The following USP45 variants were observed in gnomAD, a reference collection of about 807,000 sequenced individuals.
USP45 encodes the protein ubiquitin specific peptidase 45.
A neutral mutation model predicts 95.8 loss-of-function variants in USP45; 89 were observed. The observed-to-expected ratio is 0.93, with a 90% confidence interval of 0.78 to 1.11. The LOEUF is 1.11. Ranked by LOEUF, USP45 falls within the 50% of genes least tolerant of loss-of-function variation. USP45 has a pLI of 0.00. For missense variants in USP45, 898 were observed against 942.5 expected, an observed-to-expected ratio of 0.95 and a Z score of 0.62; for synonymous variants, 281 against 316.2, an observed-to-expected ratio of 0.89 and a Z score of 1.18.
At chr6:99,483,840 G>A (rs1200251947) in intron 7 of USP45, among the ~76,000 whole-genome samples, 2 of 36,918 alleles carry the variant, frequency 5.4e-5, no homozygotes, top group African/African-American at 3.8e-4. Context: ...GCGAGACTCC[G>A]TCTCAAAAAA....
intron 13 of USP45, 72 bp from the exon 14 acceptor site, chr6:99,446,535 A>C: frequency 7.5e-7 from 1 of 1,325,840 alleles, no homozygotes. Context: ...ATAATTCTTA[A>C]ACATATCATA....
chr6:99,488,892 A>C (rs966760361), intron 5 of USP45, 72 bp from the exon 6 acceptor site: 8 of 1,122,248 alleles, frequency 7.1e-6, no homozygotes. Flanking sequence ...ATTTATATAC[A>C]TTATTTAAAA....
intron 9 of USP45, among the ~76,000 whole-genome samples, chr6:99,473,777 A>AACACACACACACACACACAC (rs60031754): frequency 0.17 from 22,292 of 127,388 alleles, 2,233 homozygotes; most frequent in Middle Eastern, 0.25. Flanking sequence ...AAAAAAACAA[A>AACACACACACACACACACAC]ACACACACAC....
At chr6:99,491,922 A>C (rs536823314) in intron 5 of USP45, among the ~76,000 whole-genome samples, 6 of 151,822 alleles carry the variant, frequency 4.0e-5, no homozygotes, top group Non-Finnish European at 8.8e-5. Flanking sequence ...TATATACACG[A>C]CGCCTATTGG....
chr6:99,478,236 T>C (rs1791397650), intron 8 of USP45, among the ~76,000 whole-genome samples: 1 of 150,320 alleles, frequency 6.7e-6, no homozygotes, highest in African/African-American at 2.4e-5. Flanking sequence ...TTTTTTTTTT[T>C]TTTTTTTTAA....
In USP45 at chr6:99,503,882, T is replaced by G. The variant is rs1257557425; in HGVS notation, c.378-17A>C. 6.8e-7 allele frequency: 1 copy of G among 1,468,302 alleles called. No individual in the cohort carries two copies. Among genetic ancestry groups the G allele is most frequent in the Non-Finnish European group, 9.2e-7 (1 of 1,083,630 alleles). 91.0% of individuals were successfully genotyped at this position (1,468,302 alleles called of 1,614,324 possible). A position where few individuals can be genotyped will look rare whatever the true frequency, so the allele number is the denominator to read the frequency against. On this transcript the variant is annotated splice_polypyrimidine_tract_variant and intron_variant, in intron 4 of 17. Transcript: ENST00000500704. ...TCATAACACCTGAAAAAGTATAAAA[T>G]TTAAGAAAATATTATGAAAATATTC...
intron 13 of USP45, among the ~76,000 whole-genome samples, chr6:99,449,859 A>T (rs1783455577): frequency 6.6e-6 from 1 of 152,200 alleles, no homozygotes; most frequent in Non-Finnish European, 1.5e-5. Context: ...TCAAACTAGA[A>T]CTCAGGATTA....
chr6:99,495,421 G>A (rs533282652), intron 5 of USP45, among the ~76,000 whole-genome samples: 22 of 152,316 alleles, frequency 1.4e-4, no homozygotes, highest in African/African-American at 4.6e-4. Flanking sequence ...CCATAGGCAA[G>A]GGAGAAGTGA....
intron 13 of USP45, among the ~76,000 whole-genome samples, chr6:99,457,298 T>C (rs1284846020): frequency 1.3e-5 from 2 of 152,172 alleles, no homozygotes; most frequent in African/African-American, 4.8e-5. Context: ...CCTCCCCTTT[T>C]GAAAATCCCT....
At chr6:99,507,353 C>T (rs187186952) in intron 4 of USP45, 75 bp downstream of exon 4, 155 of 725,082 alleles carry the variant, frequency 2.1e-4, no homozygotes, top group Non-Finnish European at 8.9e-6. Context: ...AATATTTTAC[C>T]TTAAAAGCTT....
At position 99,446,307 on chromosome 6, in the gene USP45, C is replaced by T; in HGVS notation, c.1465G>A (p.Asp489Asn). 6.2e-7 allele frequency: 1 copy of T among 1,614,196 alleles called. No individual in the cohort carries two copies. Among genetic ancestry groups the T allele is most frequent in the Non-Finnish European group, 8.5e-7 (1 of 1,180,034 alleles). The change falls in exon 14 of 18, where the codon GAC becomes AAC. Residue 489 changes from aspartate (D) to asparagine (N), a missense_variant. Asp to Asn is a conservative substitution (Grantham distance 23). Transcript: ENST00000500704. The stretch of plus-strand genomic sequence containing the variant: ...GAATGGCTGGCTTCTTTTTCACTGT[C>T]ATCAGTAGGGCTTTCATTCAGACGT... ...ESRLNESPTD[D>N]SEKEASHSES...
chr6:99,493,822 T>TTA (rs1266864465), intron 5 of USP45, among the ~76,000 whole-genome samples: 2 of 152,218 alleles, frequency 1.3e-5, no homozygotes, highest in African/African-American at 4.8e-5. Context: ...AAAAAGCAGC[T>TTA]TATAGCTTCT....
At chr6:99,487,663 C>T (rs1009835921) in intron 7 of USP45, among the ~76,000 whole-genome samples, 4 of 149,668 alleles carry the variant, frequency 2.7e-5, no homozygotes, top group East Asian at 2.0e-4. Flanking sequence ...AAAAGTTAGC[C>T]GGGCGCCTAT....
intron 15 of USP45, among the ~76,000 whole-genome samples, chr6:99,441,609 C>T (rs189487397): frequency 1.3e-5 from 2 of 152,270 alleles, no homozygotes; most frequent in African/African-American, 4.8e-5. Flanking sequence ...CCAACTTACA[C>T]TCCCAATGCT....
chr6:99,508,027 G>A (rs1301921587), intron 3 of USP45, among the ~76,000 whole-genome samples: 1 of 152,068 alleles, frequency 6.6e-6, no homozygotes, highest in African/African-American at 2.4e-5. Context: ...TTTTTAAGAG[G>A]AACACAACCA....
intron 9 of USP45, among the ~76,000 whole-genome samples, chr6:99,474,823 A>G (rs760469418): frequency 1.3e-5 from 2 of 152,162 alleles, no homozygotes; most frequent in Non-Finnish European, 2.9e-5. Context: ...AATATCTTGC[A>G]TTTTCTCTGA....
chr6:99,508,883 GCA>G (rs748276318), intron 2 of USP45, 101 bp from the exon 3 acceptor site: 20 of 1,000,644 alleles, frequency 2.0e-5, no homozygotes, highest in South Asian at 1.9e-4. Context: ...TAACTAAAAA[GCA>G]CAGAGATTGA....
At position 99,435,700 on chromosome 6, in the gene USP45, T is replaced by A; in HGVS notation, c.*16A>T. On this transcript the variant is annotated 3_prime_UTR_variant, in exon 18 of 18. Coordinates refer to ENST00000500704, the MANE Select transcript of USP45 (RefSeq NM_001346022.3). ...ATTCAAAAACAAATGACCTAAATAATCATTACCATTAATAGTTATAATACT... is the reference window on the plus strand; with the variant it reads ...ATTCAAAAACAAATGACCTAAATAAACATTACCATTAATAGTTATAATACT... 6.2e-7 allele frequency: 1 copy of A among 1,604,700 alleles called. No homozygotes were observed. The highest frequency in any genetic ancestry group is 8.5e-7 in the Non-Finnish European group (1 of 1,175,334).
chr6:99,445,872 T>TTAG lies in USP45; in HGVS notation c.1897_1899dup (p.Leu633dup). 1 of 1,612,140 alleles carries TTAG rather than the reference T, an allele frequency of 6.2e-7. No individual in the cohort carries two copies. The highest frequency in any genetic ancestry group is 1.3e-5 in the African/African-American group (1 of 74,984). On this transcript the variant is annotated inframe_insertion, in exon 14 of 18. Coordinates refer to ENST00000500704, the MANE Select transcript of USP45 (RefSeq NM_001346022.3). ...TCACATAGAAGCTTATTATTCCCCATTAGTAATTCCATAGATGTAAACTGG... is the reference window on the plus strand; with the variant it reads ...TCACATAGAAGCTTATTATTCCCCATTAGTAGTAATTCCATAGATGTAAACTGG...
Sources: gnomAD v4.1 joint callset for allele counts (sites outside exome capture counted in the v4.1 genomes callset) on GRCh38, gnomAD v4.1.1 for gene constraint, MANE v1.5 for transcripts, NCBI Gene and HGNC (gene_info 2026-07-23, HGNC 2026-07-21) for gene names.